Variants in CADM1 observed in about 807,000 individuals in gnomAD.
CADM1 encodes the protein TSLC-1.
In CADM1, 15 loss-of-function variants were observed where a neutral mutation model predicts 53.1. That is an observed-to-expected ratio of 0.28 (90% CI 0.19 to 0.44). The LOEUF is 0.44. CADM1 is among the 20% of genes least tolerant of loss of function. The probability of loss-of-function intolerance (pLI) is 1.00; values close to 1 mark genes in which losing one functional copy is unlikely to be tolerated. For missense variants in CADM1, 434 were observed against 611.3 expected (o/e 0.71, Z 3.06); for synonymous variants, 281 against 243.0 (o/e 1.16, Z -1.45).
At chr11:115,408,731 C>G (rs1591789245) in intron 1 of CADM1, among the ~76,000 whole-genome samples, 1 of 152,120 alleles carries the variant, frequency 6.6e-6, no homozygotes, top group East Asian at 1.9e-4. Context: ...CCTAAATAGT[C>G]CAAATCTTGA....
intron 1 of CADM1, among the ~76,000 whole-genome samples, chr11:115,472,528 C>T (rs1352708186): frequency 6.6e-6 from 1 of 152,194 alleles, no homozygotes. Flanking sequence ...AATGTACAGG[C>T]TTAGTTTGTA....
At chr11:115,470,094 A>G (rs1948981245) in intron 1 of CADM1, among the ~76,000 whole-genome samples, 2 of 152,244 alleles carry the variant, frequency 1.3e-5, no homozygotes, top group Non-Finnish European at 2.9e-5. Flanking sequence ...GCAAAATAAA[A>G]ATAATAGTAA....
intron 1 of CADM1, among the ~76,000 whole-genome samples, chr11:115,295,552 TA>T (rs1944055643): frequency 1.9e-5 from 2 of 103,362 alleles, no homozygotes; most frequent in African/African-American, 3.8e-5. Context: ...ATATATATAA[TA>T]TATATGTATA....
At chr11:115,414,830 T>C (rs1178391507) in intron 1 of CADM1, among the ~76,000 whole-genome samples, 1 of 66 alleles carries the variant, frequency 0.015, no homozygotes, top group Non-Finnish European at 0.038. Context: ...TGTTGTTAAA[T>C]ATAAAAGGTA....
chr11:115,231,540 T>A, intron 3 of CADM1, 50 bp from the exon 4 acceptor site: 6 of 1,579,958 alleles, frequency 3.8e-6, no homozygotes, highest in Non-Finnish European at 5.2e-6. Flanking sequence ...ATTTTTGCAT[T>A]GTTGCTATCA....
At chr11:115,295,707 TCTG>T (rs1210676570) in intron 1 of CADM1, among the ~76,000 whole-genome samples, 2 of 151,596 alleles carry the variant, frequency 1.3e-5, no homozygotes, top group Non-Finnish European at 2.9e-5. Context: ...TCTACTACAA[TCTG>T]CTTTTTCAGC....
intron 1 of CADM1, among the ~76,000 whole-genome samples, chr11:115,375,716 G>C (rs1946420615): frequency 6.6e-6 from 1 of 152,034 alleles, no homozygotes; most frequent in Non-Finnish European, 1.5e-5. Context: ...ACCCATGACA[G>C]AATCAAGATA....
intron 1 of CADM1, among the ~76,000 whole-genome samples, chr11:115,308,671 TC>T (rs1374624199): frequency 1.3e-5 from 2 of 151,998 alleles, no homozygotes; most frequent in Admixed American, 6.6e-5. Flanking sequence ...TGAGTGCTAT[TC>T]CTGTTACACA....
chr11:115,240,274 G>A lies in CADM1; in HGVS notation c.271C>T (p.Pro91Ser), dbSNP rs1053413125. ...RQTIYFRDFR[P>S]LKDSRFQLLN... ...TACAACTATAGAGATGGAAACTTAC[G>A]CCTGAAGTCCCTGAAATAAATGGTC... Residue 91 changes from proline (P) to serine (S), a missense_variant and splice_region_variant, in exon 2 of 12, where the codon CCT becomes TCT. Coordinates refer to ENST00000331581, the MANE Select transcript of CADM1 (RefSeq NM_001301043.2). The A allele has an allele frequency of 2.5e-6, 4 of 1,613,350 alleles. No individual in the cohort carries two copies. The highest frequency in any genetic ancestry group is 2.5e-6 in the Non-Finnish European group (3 of 1,179,676).
chr11:115,343,171 C>T (rs972361791), intron 1 of CADM1, among the ~76,000 whole-genome samples: 5 of 152,096 alleles, frequency 3.3e-5, no homozygotes, highest in African/African-American at 1.2e-4. Context: ...AAGGTACAGA[C>T]TGTTATCTAA....
chr11:115,315,829 G>GTT (rs1011151481), intron 1 of CADM1, among the ~76,000 whole-genome samples: 20 of 152,064 alleles, frequency 1.3e-4, no homozygotes, highest in South Asian at 2.1e-4. Flanking sequence ...AAACACAATT[G>GTT]TTTCTTTCTT....
intron 1 of CADM1, among the ~76,000 whole-genome samples, chr11:115,442,651 C>T (rs1053465730): frequency 3.3e-5 from 5 of 152,134 alleles, no homozygotes; most frequent in Non-Finnish European, 7.4e-5. Flanking sequence ...ACTAGGAAAA[C>T]CATTTGCAAA....
intron 1 of CADM1, chr11:115,445,880 A>C (rs1223083476): frequency 2.1e-5 from 8 of 384,740 alleles, no homozygotes; most frequent in South Asian, 1.5e-4. Context: ...ATACAATTAT[A>C]ACAATGTACT....
intron 1 of CADM1, among the ~76,000 whole-genome samples, chr11:115,393,600 T>G (rs1282162803): frequency 6.7e-6 from 1 of 149,504 alleles, no homozygotes; most frequent in Non-Finnish European, 1.5e-5. Flanking sequence ...AAAAACAGAA[T>G]GCATTCTTAT....
At chr11:115,212,195 C>G (rs550056490) in intron 7 of CADM1, among the ~76,000 whole-genome samples, 2 of 151,912 alleles carry the variant, frequency 1.3e-5, no homozygotes, top group African/African-American at 4.9e-5. Flanking sequence ...TCAGTTGGGG[C>G]TCAGGCACTA....
At chr11:115,348,627 G>A (rs7935066) in intron 1 of CADM1, among the ~76,000 whole-genome samples, 3,090 of 152,126 alleles carry the variant, frequency 0.02, 126 homozygotes, top group African/African-American at 0.069. Flanking sequence ...GTGTAGAGGA[G>A]TATCAAACGC....
At chr11:115,311,303 G>C (rs145307740) in intron 1 of CADM1, among the ~76,000 whole-genome samples, 108 of 152,216 alleles carry the variant, frequency 7.1e-4, no homozygotes, top group African/African-American at 2.4e-3. Context: ...CCTCATGATT[G>C]TCATGACTAA....
chr11:115,379,559 T>C (rs1258950538), intron 1 of CADM1, among the ~76,000 whole-genome samples: 1 of 152,202 alleles, frequency 6.6e-6, no homozygotes, highest in African/African-American at 2.4e-5. Flanking sequence ...ACTGACAAAG[T>C]ACTGCACTAG....
At chr11:115,276,508 A>T (rs962083696) in intron 1 of CADM1, among the ~76,000 whole-genome samples, 1 of 152,210 alleles carries the variant, frequency 6.6e-6, no homozygotes, top group Admixed American at 6.5e-5. Flanking sequence ...AGATAGAAAA[A>T]TATACACAAG....
Sources: allele counts gnomAD v4.1 joint callset (sites outside exome capture counted in the v4.1 genomes callset), GRCh38; gene constraint gnomAD v4.1.1; transcripts MANE v1.5; gene names NCBI Gene and HGNC (gene_info 2026-07-23, HGNC 2026-07-21).